Variants in CPQ observed in about 807,000 individuals in gnomAD.
CPQ encodes the protein carboxypeptidase Q, also known as Ser-Met dipeptidase.
A neutral mutation model predicts 45.7 loss-of-function variants in CPQ; 37 were observed. The observed-to-expected ratio is 0.81, with a 90% CI of 0.62 to 1.07. The LOEUF (loss-of-function observed/expected upper bound fraction) is 1.07. CPQ is among the 50% of genes least tolerant of loss of function. CPQ has a pLI of 0.00. For synonymous variants in CPQ, 186 were observed against 205.8 expected (o/e 0.90, Z 0.82); for missense variants, 537 against 572.9 (o/e 0.94, Z 0.64).
At chr8:96,861,446 C>T (rs1449524780) in intron 3 of CPQ, among the ~76,000 whole-genome samples, 3 of 152,002 alleles carry the variant, frequency 2.0e-5, no homozygotes, top group African/African-American at 7.2e-5. Flanking sequence ...TTGTTTAGGT[C>T]ATTAAGCTTA....
At chr8:96,730,866 C>CATATATATATATATATATATATATATAT (rs35247469) in intron 1 of CPQ, among the ~76,000 whole-genome samples, 9 of 68,684 alleles carry the variant, frequency 1.3e-4, no homozygotes, top group African/African-American at 3.0e-4. Context: ...ACCATACATA[C>CATATATATATATATATATATATATATAT]ATATATATAT....
intron 1 of CPQ, among the ~76,000 whole-genome samples, chr8:96,708,366 C>T (rs1337843184): frequency 6.6e-6 from 1 of 151,600 alleles, no homozygotes; most frequent in East Asian, 1.9e-4. Context: ...ATTATTCTGC[C>T]TACCACAGCT....
At chr8:96,942,704 CAACAAA>C (rs1354070666) in intron 4 of CPQ, among the ~76,000 whole-genome samples, 1 of 152,164 alleles carries the variant, frequency 6.6e-6, no homozygotes, top group Admixed American at 6.5e-5. Flanking sequence ...TAAACACAAA[CAACAAA>C]AACAAAAACA....
chr8:96,902,529 G>A (rs1820566561), intron 4 of CPQ, among the ~76,000 whole-genome samples: 2 of 152,200 alleles, frequency 1.3e-5, no homozygotes, highest in African/African-American at 4.8e-5. Context: ...TTCAGAATGT[G>A]TGTGTTGGAG....
chr8:97,074,992 CG>C (rs1294790696), intron 7 of CPQ, among the ~76,000 whole-genome samples: 56 of 151,956 alleles, frequency 3.7e-4, no homozygotes, highest in African/African-American at 1.3e-3. Flanking sequence ...GCGAAGATAC[CG>C]GAACGCTTTA....
intron 2 of CPQ, among the ~76,000 whole-genome samples, chr8:96,785,987 G>T (rs957970969): frequency 6.6e-6 from 1 of 152,154 alleles, no homozygotes; most frequent in Non-Finnish European, 1.5e-5. Context: ...CAAGAGAAAG[G>T]CCTAGTGAAG....
At chr8:97,116,836 T>C (rs1010784107) in intron 7 of CPQ, among the ~76,000 whole-genome samples, 5 of 152,222 alleles carry the variant, frequency 3.3e-5, no homozygotes, top group Admixed American at 6.5e-5. Flanking sequence ...AGGTAGATAA[T>C]AGGAGGCCTA....
chr8:96,904,991 T>C (rs1203301381), intron 4 of CPQ, among the ~76,000 whole-genome samples: 1 of 152,174 alleles, frequency 6.6e-6, no homozygotes, highest in Non-Finnish European at 1.5e-5. Context: ...ACAGTAGCCC[T>C]GTATTAGTTC....
intron 3 of CPQ, among the ~76,000 whole-genome samples, chr8:96,876,983 TG>T (rs1452440851): frequency 1.3e-5 from 2 of 152,196 alleles, no homozygotes; most frequent in East Asian, 1.9e-4. Flanking sequence ...TTCTATTTTT[TG>T]TAAGAATTTA....
At chr8:97,081,813 G>T (rs1810955095) in intron 7 of CPQ, among the ~76,000 whole-genome samples, 1 of 152,138 alleles carries the variant, frequency 6.6e-6, no homozygotes, top group Non-Finnish European at 1.5e-5. Context: ...TGTAGAAATA[G>T]ATTCAAGATC....
intron 4 of CPQ, among the ~76,000 whole-genome samples, chr8:96,936,367 C>T (rs1813050392): frequency 6.6e-6 from 1 of 152,136 alleles, no homozygotes; most frequent in South Asian, 2.1e-4. Flanking sequence ...GACTCATTTG[C>T]TTAATGGTTT....
chr8:96,873,330 A>T (rs1349202362), intron 3 of CPQ, among the ~76,000 whole-genome samples: 2 of 151,334 alleles, frequency 1.3e-5, no homozygotes, highest in African/African-American at 2.4e-5. Context: ...TTTTTTTTAA[A>T]CCTGTGGGAG....
intron 1 of CPQ, among the ~76,000 whole-genome samples, chr8:96,757,165 T>C (rs1810336653): frequency 6.6e-6 from 1 of 151,970 alleles, no homozygotes; most frequent in African/African-American, 2.4e-5. Flanking sequence ...CTGGCCACCA[T>C]GGTGAAACCC....
Position 96,734,732 on chromosome 8 carries a change from AAAAT to A in CPQ, c.-34-50124_-34-50121del, listed in dbSNP as rs1314402698. On this transcript the variant is annotated intron_variant, in intron 1 of 7. Coordinates refer to ENST00000220763, the MANE Select transcript of CPQ (RefSeq NM_016134.4). The stretch of plus-strand genomic sequence containing the variant: ...TCTCAAAAATAAAATAAAATAAAAT[AAAAT>A]AAATAAAATAAAATAAAATAAAATA... 4.2e-3 allele frequency among the ~76,000 whole-genome samples: 616 copies of A among 146,462 alleles called. 8 individuals are homozygous for A. Among genetic ancestry groups the A allele is most frequent in the African/African-American group, 0.014 (555 of 39,896 alleles).
At chr8:97,065,374 G>C (rs753873231) in intron 6 of CPQ, among the ~76,000 whole-genome samples, 1 of 152,196 alleles carries the variant, frequency 6.6e-6, no homozygotes, top group Non-Finnish European at 1.5e-5. Context: ...TGGCCTGGCA[G>C]CGTTGCCTGG....
intron 7 of CPQ, among the ~76,000 whole-genome samples, chr8:97,066,945 T>A (rs961177343): frequency 7.8e-5 from 7 of 89,490 alleles, no homozygotes; most frequent in Non-Finnish European, 9.9e-5. Context: ...TTTTTTTTTT[T>A]AGACAGGGTC....
chr8:96,722,466 C>T (rs1448315458), intron 1 of CPQ, among the ~76,000 whole-genome samples: 1 of 151,920 alleles, frequency 6.6e-6, no homozygotes, highest in Non-Finnish European at 1.5e-5. Context: ...TTTGAACTAC[C>T]ATGGCAGAAT....
intron 3 of CPQ, among the ~76,000 whole-genome samples, chr8:96,861,153 T>A (rs1811921956): frequency 2.6e-5 from 4 of 152,186 alleles, no homozygotes; most frequent in Non-Finnish European, 5.9e-5. Context: ...CTTTTGGTAC[T>A]ACATCATATA....
At chr8:96,766,731 G>A (rs909538617) in intron 1 of CPQ, among the ~76,000 whole-genome samples, 2 of 152,178 alleles carry the variant, frequency 1.3e-5, no homozygotes, top group African/African-American at 2.4e-5. Context: ...CCTGCAAATA[G>A]TACAGTATTC....
Sources: gnomAD v4.1 joint callset for allele counts (sites outside exome capture counted in the v4.1 genomes callset) on GRCh38, gnomAD v4.1.1 for gene constraint, MANE v1.5 for transcripts, NCBI Gene and HGNC (gene_info 2026-07-23, HGNC 2026-07-21) for gene names.